The following KIAA1217 variants were observed in gnomAD, a reference collection of about 807,000 sequenced individuals.
KIAA1217 encodes sickle tail protein homolog.
In KIAA1217, 88 loss-of-function variants were observed where a neutral mutation model predicts 163.9. The ratio of observed to expected loss-of-function variants is 0.54; its 90% CI spans 0.45 to 0.64. The LOEUF (loss-of-function observed/expected upper bound fraction) is 0.64, where lower values mean the gene tolerates loss of function less well. Ranked by LOEUF, KIAA1217 falls within the 30% of genes least tolerant of loss-of-function variation. The probability of loss-of-function intolerance (pLI) is 0.00; values close to 1 mark genes in which losing one functional copy is unlikely to be tolerated. For synonymous variants in KIAA1217, 903 were observed against 923.1 expected (o/e 0.98, Z 0.39); for missense variants, 2,372 against 2,475.0 (o/e 0.96, Z 0.88).
chr10:23,926,726 A>AAAATAAAT (rs71397924), intron 1 of KIAA1217, among the ~76,000 whole-genome samples: 2,438 of 143,962 alleles, frequency 0.017, 42 homozygotes, highest in African/African-American at 0.048. Flanking sequence ...TTCTGTCTCA[A>AAAATAAAT]AAATAAATAA....
intron 1 of KIAA1217, among the ~76,000 whole-genome samples, chr10:23,771,947 G>A (rs914162879): frequency 1.3e-5 from 2 of 152,154 alleles, no homozygotes. Context: ...ATTCTATAAT[G>A]TAAAGCTTGG....
At chr10:24,194,861 G>T (rs2066910844) in intron 2 of KIAA1217, among the ~76,000 whole-genome samples, 1 of 149,974 alleles carries the variant, frequency 6.7e-6, no homozygotes, top group South Asian at 2.1e-4. Flanking sequence ...TCCAGCCTTG[G>T]CCTCCCAAAA....
intron 2 of KIAA1217, among the ~76,000 whole-genome samples, chr10:24,378,881 A>G (rs2052903773): frequency 6.6e-6 from 1 of 152,188 alleles, no homozygotes; most frequent in Non-Finnish European, 1.5e-5. Flanking sequence ...GAAAAAATAT[A>G]TAGCCCTGCA....
At chr10:24,350,739 T>A (rs2048352752) in intron 2 of KIAA1217, among the ~76,000 whole-genome samples, 1 of 151,902 alleles carries the variant, frequency 6.6e-6, no homozygotes, top group Non-Finnish European at 1.5e-5. Flanking sequence ...GAGAGAAACT[T>A]CATAAAACAG....
At chr10:24,280,462 T>C (rs980700347) in intron 2 of KIAA1217, among the ~76,000 whole-genome samples, 1 of 152,178 alleles carries the variant, frequency 6.6e-6, no homozygotes, top group Non-Finnish European at 1.5e-5. Context: ...TGAATATACC[T>C]AGATTCTAGA....
intron 9 of KIAA1217, among the ~76,000 whole-genome samples, chr10:24,511,278 A>C (rs1020478100): frequency 2.0e-5 from 3 of 151,756 alleles, no homozygotes; most frequent in Admixed American, 6.6e-5. Context: ...CAGATTGCCC[A>C]GCGCCTGGAG....
At chr10:24,273,917 A>C (rs2077015316) in intron 2 of KIAA1217, among the ~76,000 whole-genome samples, 1 of 151,914 alleles carries the variant, frequency 6.6e-6, no homozygotes, top group African/African-American at 2.4e-5. Flanking sequence ...TCTCAAGTTG[A>C]GCAATATTCC....
At chr10:24,197,350 G>T (rs1001699542) in intron 2 of KIAA1217, among the ~76,000 whole-genome samples, 1 of 152,210 alleles carries the variant, frequency 6.6e-6, no homozygotes, top group Non-Finnish European at 1.5e-5. Context: ...ATGGAAAAAA[G>T]ATGGTGTTGG....
intron 2 of KIAA1217, among the ~76,000 whole-genome samples, chr10:24,341,775 A>G (rs987840331): frequency 2.0e-5 from 3 of 152,190 alleles, no homozygotes; most frequent in Non-Finnish European, 4.4e-5. Flanking sequence ...TAGACAAGCC[A>G]TTGAACTTTT....
At chr10:24,429,763 C>T (rs991617825) in intron 3 of KIAA1217, among the ~76,000 whole-genome samples, 2 of 152,068 alleles carry the variant, frequency 1.3e-5, no homozygotes, top group East Asian at 1.9e-4. Flanking sequence ...GAGGGAGGCA[C>T]GGTTGTAATT....
At chr10:24,093,191 A>T (rs1187260475) in intron 2 of KIAA1217, among the ~76,000 whole-genome samples, 1 of 150,904 alleles carries the variant, frequency 6.6e-6, no homozygotes, top group African/African-American at 2.5e-5. Flanking sequence ...ATTTTTTGAG[A>T]CGGAGTTTTA....
chr10:23,790,936 A>C (rs1835918378), intron 1 of KIAA1217, among the ~76,000 whole-genome samples: 1 of 151,944 alleles, frequency 6.6e-6, no homozygotes, highest in South Asian at 2.1e-4. Flanking sequence ...GGGTTTTGCC[A>C]CGTTGCCAGG....
At chr10:24,539,186 C>T (rs983564774) in intron 17 of KIAA1217, among the ~76,000 whole-genome samples, 1 of 152,066 alleles carries the variant, frequency 6.6e-6, no homozygotes, top group African/African-American at 2.4e-5. Flanking sequence ...TCAAAGATCC[C>T]TCTGGAGACC....
In KIAA1217 at chr10:24,174,485, G is replaced by A. The variant is rs996710175; in HGVS notation, c.-170-45141G>A. 8.5e-5 allele frequency among the ~76,000 whole-genome samples: 13 copies of A among 152,160 alleles called. 1 individual carries two copies. Among genetic ancestry groups the A allele is most frequent in the Admixed American group, 6.5e-4 (10 of 15,270 alleles). ...AAACCCCATTTCCTATCACAGAAGA[G>A]GATTAACCAAGAAAGGCTTTGGGCT... On this transcript the variant is annotated intron_variant, in intron 2 of 18. Transcript: ENST00000376462.
chr10:23,913,541 TATA>T (rs1243333199), intron 1 of KIAA1217, among the ~76,000 whole-genome samples: 2 of 151,870 alleles, frequency 1.3e-5, no homozygotes. Context: ...GTGAGAAGTG[TATA>T]ATAAGAATGA....
At chr10:24,352,103 C>T (rs1354356319) in intron 2 of KIAA1217, among the ~76,000 whole-genome samples, 1 of 152,270 alleles carries the variant, frequency 6.6e-6, no homozygotes, top group Admixed American at 6.5e-5. Flanking sequence ...GCACTCTTCA[C>T]ACCCAAGTGA....
intron 2 of KIAA1217, among the ~76,000 whole-genome samples, chr10:24,268,033 G>A (rs1235569445): frequency 5.3e-5 from 8 of 152,148 alleles, no homozygotes; most frequent in Admixed American, 3.3e-4. Context: ...TGCAGCTCCT[G>A]TCTCCAGCAG....
At chr10:23,932,499 T>C (rs563346337) in intron 1 of KIAA1217, among the ~76,000 whole-genome samples, 1 of 140,192 alleles carries the variant, frequency 7.1e-6, no homozygotes, top group South Asian at 2.2e-4. Flanking sequence ...TCCTCAACTC[T>C]GGGCCTAATA....
In KIAA1217 at chr10:24,544,372, C is replaced by G. The variant is rs777777788; in HGVS notation, c.5102C>G (p.Ala1701Gly). The change falls in exon 19 of 21, where the codon GCA becomes GGA. Residue 1701 changes from alanine to glycine, a missense_variant. Around this residue, in one of 3 missense-constraint regions of KIAA1217, gnomAD observed 690 missense variants for 677.5 expected, o/e 1.02. Transcript: ENST00000376454. The part of the protein sequence containing the change: ...TSCSSNRDSV[A>G]SSSHIAQEAS... ...TGTTCTTCCAACAGAGATTCTGTTG[C>G]AAGTTCATCCCACATAGCCCAAGAG... 2.5e-6 allele frequency: 4 copies of G among 1,614,036 alleles called. No individual in the cohort carries two copies. Among genetic ancestry groups the G allele is most frequent in the Non-Finnish European group, 3.4e-6 (4 of 1,180,038 alleles).
Sources: gnomAD v4.1 joint callset for allele counts (sites outside exome capture counted in the v4.1 genomes callset) on GRCh38, gnomAD v4.1.1 for gene constraint, gnomAD v4.1.1 regional missense constraint, MANE v1.5 for transcripts, NCBI Gene and HGNC (gene_info 2026-07-23, HGNC 2026-07-21) for gene names.